Variants in XYLT2 observed in about 807,000 individuals in gnomAD.
The protein encoded by XYLT2 is UDP-D-xylose:proteoglycan core protein beta-D-xylosyltransferase.
XYLT2 carries 37 observed loss-of-function variants against 82.6 expected under a neutral mutation model. The observed-to-expected ratio is 0.45, with a 90% CI of 0.34 to 0.59. The LOEUF (loss-of-function observed/expected upper bound fraction) is 0.59. Ranked by LOEUF, XYLT2 falls within the 20% of genes least tolerant of loss-of-function variation. The probability of loss-of-function intolerance (pLI) is 0.01; values close to 1 mark genes in which losing one functional copy is unlikely to be tolerated. For synonymous variants in XYLT2, 474 were observed against 499.0 expected (o/e 0.95, Z 0.67); for missense variants, 934 against 1,181.3 (o/e 0.79, Z 3.07).
At chr17:50,359,779 T>A in intron 10 of XYLT2, 190 bp from the exon 11 acceptor site, 1 of 598,844 alleles carries the variant, frequency 1.7e-6, no homozygotes, top group South Asian at 2.1e-5. Flanking sequence ...TAAGGCTTAC[T>A]GCCTTGATTT....
rs1430786756 is a variant in XYLT2, at chr17:50,350,523, C to T, written c.136-3107C>T. 2.1e-5 allele frequency among the ~76,000 whole-genome samples: 3 copies of T among 141,052 alleles called. 1 individual carries two copies. The highest frequency in any genetic ancestry group is 4.6e-5 in the Non-Finnish European group (3 of 64,874). The allele number at this position is 141,052 out of a possible 152,430, so 92.5% of individuals were successfully genotyped here. On this transcript the variant is annotated intron_variant, in intron 1 of 10. Coordinates refer to ENST00000017003, the MANE Select transcript of XYLT2 (RefSeq NM_022167.4). ...CAGAGGTTGGAGTGAGCCGAGATTG[C>T]ACCACTGCACTCCAGCCTGGGCAAT...
At chr17:50,348,480 G>C (rs1413207671) in intron 1 of XYLT2, among the ~76,000 whole-genome samples, 1 of 152,192 alleles carries the variant, frequency 6.6e-6, no homozygotes, top group Non-Finnish European at 1.5e-5. Flanking sequence ...TAAGTGCAGT[G>C]GGAGAGCACT....
In XYLT2 at chr17:50,356,264, G is replaced by A. The variant is rs1598351654; in HGVS notation, c.1482+3G>A. ...CACAGGACTTCCTCCGGCTGCAGGT[G>A]CTTGCCCGAGGCCCCAAGGCCCCTG... On this transcript the variant is annotated splice_donor_region_variant and intron_variant, in intron 7 of 10. Transcript: ENST00000017003. The A allele has an allele frequency of 1.7e-5, 28 of 1,612,058 alleles. No homozygotes were observed. In the East Asian group the frequency reaches 5.6e-4, roughly 32 times the overall value.
intron 1 of XYLT2, among the ~76,000 whole-genome samples, chr17:50,352,432 A>ATCAAGGAG (rs1030745442): frequency 6.6e-6 from 1 of 152,210 alleles, no homozygotes; most frequent in African/African-American, 2.4e-5. Flanking sequence ...CATGTCTCTC[A>ATCAAGGAG]TCAAGGAGTT....
chr17:50,354,323 G>C (rs747444648), intron 2 of XYLT2, 85 bp from the exon 3 acceptor site: 1 of 1,515,172 alleles, frequency 6.6e-7, no homozygotes, highest in East Asian at 2.3e-5. Context: ...AGGTTTCTTC[G>C]GAAGGCAGGC....
chr17:50,356,868 C>T, intron 8 of XYLT2, 95 bp downstream of exon 8: 1 of 1,516,024 alleles, frequency 6.6e-7, no homozygotes, highest in South Asian at 1.3e-5. Context: ...ACAACAAGGC[C>T]CCAGTCTGAA....
chr17:50,354,704 A>T, intron 3 of XYLT2, 121 bp downstream of exon 3: 1 of 1,522,654 alleles, frequency 6.6e-7, no homozygotes. Context: ...GGCCCTGAAC[A>T]GGGGAGTGGC....
In XYLT2 at chr17:50,354,130, A is replaced by G; in HGVS notation, c.628+8A>G. ...GGCACTGTCAGCTGACTGGTGAGGG[A>G]CAGGGGTGCTCCAGCCCTTCCCAGG... On this transcript the variant is annotated splice_region_variant and intron_variant, in intron 2 of 10. Transcript: ENST00000017003. The G allele has an allele frequency of 6.2e-7, 1 of 1,601,634 alleles. No homozygotes were observed. The highest frequency in any genetic ancestry group is 8.5e-7 in the Non-Finnish European group (1 of 1,179,900).
chr17:50,360,408 A>G lies in XYLT2; in HGVS notation c.*117A>G, dbSNP rs1912752992. On this transcript the variant is annotated 3_prime_UTR_variant, in exon 11 of 11. Transcript: ENST00000017003. ...CCCAGGCTGCACACCCATTTCAGCC[A>G]TCAAGAACCCACACAGACGGCAGGG... is the stretch of plus-strand genomic sequence containing the variant. 4 of 1,435,566 alleles carry G rather than the reference A, an allele frequency of 2.8e-6. No individual in the cohort carries two copies. The highest frequency in any genetic ancestry group is 1.4e-5 in the African/African-American group (1 of 69,648). The allele number at this position is 1,435,566 out of a possible 1,614,324, so 88.9% of individuals were successfully genotyped here. A position where few individuals can be genotyped will look rare whatever the true frequency, so the allele number is the denominator to read the frequency against.
intron 2 of XYLT2, 136 bp downstream of exon 2, chr17:50,354,258 A>G: frequency 6.6e-7 from 1 of 1,507,428 alleles, no homozygotes; most frequent in Admixed American, 2.2e-5. Flanking sequence ...CATCCAGTGT[A>G]CTTACTAAGT....
Position 50,356,943 on chromosome 17 carries a change from G to T in XYLT2, c.1746-114G>T, listed in dbSNP as rs1040444199. ...AGGCATGCAGGTGCTGTGGGGGTGA[G>T]ATCTGGGGAAAGGAAGTGCCTGGGG... On this transcript the variant is annotated intron_variant, in intron 8 of 10. Coordinates refer to ENST00000017003, the MANE Select transcript of XYLT2 (RefSeq NM_022167.4). 5 of 1,465,314 alleles carry T rather than the reference G, an allele frequency of 3.4e-6. No individual in the cohort carries two copies. In the African/African-American group the frequency reaches 7.1e-5, roughly 21 times the overall value. 90.8% of individuals were successfully genotyped at this position (1,465,314 alleles called of 1,614,324 possible).
rs1036881114 is a variant in XYLT2, at chr17:50,360,468, CTG to C, written c.*179_*180del. The C allele has an allele frequency of 7.4e-7, 1 of 1,354,230 alleles. No individual in the cohort carries two copies. Among genetic ancestry groups the C allele is most frequent in the Non-Finnish European group, 9.5e-7 (1 of 1,056,910 alleles). 83.9% of individuals were successfully genotyped at this position (1,354,230 alleles called of 1,614,324 possible). ...ACAGTATGAACTACTGCTGATGTCT[CTG>C]TTGGGGATCAGAGGGCTGGCGGGAA... On this transcript the variant is annotated 3_prime_UTR_variant, in exon 11 of 11. Coordinates refer to ENST00000017003, the MANE Select transcript of XYLT2 (RefSeq NM_022167.4).
Position 50,355,591 on chromosome 17 carries a change from T to C in XYLT2, c.1088+10T>C, listed in dbSNP as rs1482164660. The C allele has an allele frequency of 6.2e-7, 1 of 1,613,216 alleles. No homozygotes were observed. Among genetic ancestry groups the C allele is most frequent in the Admixed American group, 1.7e-5 (1 of 59,948 alleles). On this transcript the variant is annotated intron_variant, in intron 5 of 10. Coordinates refer to ENST00000017003, the MANE Select transcript of XYLT2 (RefSeq NM_022167.4). ...GCCGGGACAACTCCAGGTGAGGGGGTGGGGAAGGAGGCCCTGGCCCCAGAG... is the reference window on the plus strand; with the variant it reads ...GCCGGGACAACTCCAGGTGAGGGGGCGGGGAAGGAGGCCCTGGCCCCAGAG...
rs892768639 is a variant in XYLT2, at chr17:50,354,043, G to A, written c.549G>A (p.Gln183=). 1.9e-6 allele frequency: 3 copies of A among 1,608,340 alleles called. No individual in the cohort carries two copies. The highest frequency in any genetic ancestry group is 4.5e-5 in the East Asian group (2 of 44,884). The change falls in exon 2 of 11, where the codon CAG becomes CAA. Residue 183 remains glutamine, a synonymous_variant. Transcript: ENST00000017003. ...LARASTKQCQ[Q]EIANVVCLHQ... The stretch of plus-strand genomic sequence containing the variant: ...GGGCCAGCACCAAGCAGTGCCAGCA[G>A]GAGATCGCCAATGTGGTGTGCCTGC...
chr17:50,346,126 G>T lies in XYLT2; in HGVS notation c.-15G>T. On this transcript the variant is annotated 5_prime_UTR_variant, in exon 1 of 11. Coordinates refer to ENST00000017003, the MANE Select transcript of XYLT2 (RefSeq NM_022167.4). This position sits in a 1 kb window ranked among gnomAD's most constrained non-coding sequence, Gnocchi z 5.1. ...TTGCAGGGCTGGGCGCGCGCCCCGC[G>T]TCCCGGGCAGGAAGATGGTGGCGAG... 8.3e-7 allele frequency: 1 copy of T among 1,205,892 alleles called. No homozygotes were observed. Among genetic ancestry groups the T allele is most frequent in the African/African-American group, 1.6e-5 (1 of 61,246 alleles). 74.7% of individuals were successfully genotyped at this position (1,205,892 alleles called of 1,614,324 possible).
At chr17:50,358,086 G>C (rs1169307324) in intron 9 of XYLT2, 121 bp from the exon 10 acceptor site, 45 of 896,248 alleles carry the variant, frequency 5.0e-5, no homozygotes, top group Non-Finnish European at 3.0e-5. Flanking sequence ...TTTGCAGATG[G>C]GGAAACTGAG....
chr17:50,353,288 C>G (rs1398078989), intron 1 of XYLT2, among the ~76,000 whole-genome samples: 1 of 152,064 alleles, frequency 6.6e-6, no homozygotes, highest in African/African-American at 2.4e-5. Flanking sequence ...TGCACCCTTC[C>G]CTTGGGACAC....
chr17:50,354,938 A>G lies in XYLT2; in HGVS notation c.889A>G (p.Ile297Val). ...GGTGACGCCCTGGCGCATGGTTACCATCTGGGGCGGGGCCAGCCTCCTGAG... is the reference window on the plus strand; with the variant it reads ...GGTGACGCCCTGGCGCATGGTTACCGTCTGGGGCGGGGCCAGCCTCCTGAG... ...VRVTPWRMVT[I>V]WGGASLLRMY... The change falls in exon 4 of 11, where the codon ATC becomes GTC. Residue 297 changes from isoleucine to valine, a missense_variant. This residue lies in a region of XYLT2 where 189 missense variants were observed against 320.8 expected (regional missense o/e 0.59). Transcript: ENST00000017003. 1 of 1,598,176 alleles carries G rather than the reference A, an allele frequency of 6.3e-7. No individual in the cohort carries two copies. Among genetic ancestry groups the G allele is most frequent in the Non-Finnish European group, 8.5e-7 (1 of 1,171,750 alleles).
rs1257629442 is a variant in XYLT2 at position 50,361,045 on chromosome 17, G to C, written c.*754G>C. ...GAAGTGAGGTCACATGAGCAGCGTGGGAAGAAGACTCTGTCAAGACTCTCA... is the reference window on the plus strand; with the variant it reads ...GAAGTGAGGTCACATGAGCAGCGTGCGAAGAAGACTCTGTCAAGACTCTCA... On this transcript the variant is annotated 3_prime_UTR_variant, in exon 11 of 11. Coordinates refer to ENST00000017003, the MANE Select transcript of XYLT2 (RefSeq NM_022167.4). The C allele has an allele frequency of 1.0e-5, 10 of 985,778 alleles. No homozygotes were observed. Among genetic ancestry groups the C allele is most frequent in the African/African-American group, 5.2e-5 (3 of 57,222 alleles). 61.1% of individuals were successfully genotyped at this position (985,778 alleles called of 1,614,324 possible). A position where few individuals can be genotyped will look rare whatever the true frequency, so the allele number is the denominator to read the frequency against.
Sources: gnomAD v4.1 joint callset for allele counts (sites outside exome capture counted in the v4.1 genomes callset) on GRCh38, gnomAD v4.1.1 for gene constraint, gnomAD v4.1.1 regional missense constraint, Gnocchi (gnomAD v3.1) non-coding constraint, MANE v1.5 for transcripts, NCBI Gene and HGNC (gene_info 2026-07-23, HGNC 2026-07-21) for gene names.